Variants in ANXA8L1 observed in about 807,000 individuals in gnomAD.
ANXA8L1 encodes the protein annexin A8 like 1.
A neutral mutation model predicts 22.5 loss-of-function variants in ANXA8L1; 10 were observed. The ratio of observed to expected loss-of-function variants is 0.44; its 90% CI spans 0.27 to 0.75. The LOEUF is 0.75. Ranked by LOEUF, ANXA8L1 falls within the 30% of genes least tolerant of loss-of-function variation. The pLI, the probability that ANXA8L1 is intolerant of heterozygous loss-of-function variation, is 0.15. For missense variants in ANXA8L1, 88 were observed against 219.6 expected, an observed-to-expected ratio of 0.40 and a Z score of 3.79; for synonymous variants, 36 against 86.0, an observed-to-expected ratio of 0.42 and a Z score of 3.22.
chr10:46,390,856 G>T lies in ANXA8L1; in HGVS notation c.925-15G>T. ...AACAAACCCCTTCTCACGCTTATGCGCCTCCTACCCACAGGAAGACACCAG... is the reference window on the plus strand; with the variant it reads ...AACAAACCCCTTCTCACGCTTATGCTCCTCCTACCCACAGGAAGACACCAG... On this transcript the variant is annotated splice_polypyrimidine_tract_variant and intron_variant, in intron 11 of 11. Transcript: ENST00000619162. The T allele has an allele frequency of 8.8e-7, 1 of 1,131,744 alleles. No homozygotes were observed. The highest frequency in any genetic ancestry group is 1.2e-6 in the Non-Finnish European group (1 of 826,724). 70.1% of individuals were successfully genotyped at this position (1,131,744 alleles called of 1,614,324 possible).
intron 1 of ANXA8L1, among the ~76,000 whole-genome samples, chr10:46,379,101 C>G (rs1358976055): frequency 2.7e-5 from 4 of 145,732 alleles, no homozygotes; most frequent in African/African-American, 7.6e-5. Flanking sequence ...CTGAGTCTCC[C>G]TCTAATTCAA....
chr10:46,384,667 C>T, intron 6 of ANXA8L1, 107 bp from the exon 7 acceptor site: 1 of 1,600,078 alleles, frequency 6.2e-7, no homozygotes, highest in Non-Finnish European at 8.5e-7. Flanking sequence ...TTTCCACAGC[C>T]AAAGAGCAGC....
At chr10:46,383,230 C>T (rs1162970194) in intron 4 of ANXA8L1, among the ~76,000 whole-genome samples, 9 of 147,840 alleles carry the variant, frequency 6.1e-5, no homozygotes, top group Admixed American at 5.4e-4. Context: ...TCTGAGACCA[C>T]CCAGCTAAGG....
At chr10:46,382,865 C>T (rs1200907164) in intron 4 of ANXA8L1, among the ~76,000 whole-genome samples, 173 bp downstream of exon 4, 2 of 60,188 alleles carry the variant, frequency 3.3e-5, no homozygotes, top group Non-Finnish European at 6.5e-5. Context: ...AGACTGCACC[C>T]AACACCTGGA....
chr10:46,383,306 G>C, intron 4 of ANXA8L1, 150 bp from the exon 5 acceptor site: 12 of 1,546,494 alleles, frequency 7.8e-6, no homozygotes, highest in Non-Finnish European at 1.1e-5. Flanking sequence ...CTGAAGACAA[G>C]CATGTGATTT....
intron 1 of ANXA8L1, among the ~76,000 whole-genome samples, chr10:46,378,736 C>T (rs1307495254): frequency 4.4e-5 from 3 of 67,808 alleles, no homozygotes; most frequent in Non-Finnish European, 7.7e-5. Context: ...TAAGAAATGA[C>T]TCAGGAAGAT....
rs1254764674 is a variant in ANXA8L1, at chr10:46,390,090, G to A, written c.925-781G>A. Among the ~76,000 whole-genome samples, 78 of 149,688 alleles carry A rather than the reference G, an allele frequency of 5.2e-4. 3 individuals carry two copies. Among genetic ancestry groups the A allele is most frequent in the Admixed American group, 8.7e-4 (13 of 14,986 alleles). On this transcript the variant is annotated intron_variant, in intron 11 of 11. Transcript: ENST00000619162. ...GAATTCACTCCCCTCTCTTGGCCCC[G>A]CTGTCCTCAACTGCATGAAGAAGAA...
chr10:46,384,899 C>T (rs1296895182), intron 7 of ANXA8L1, 66 bp downstream of exon 7: 33 of 1,607,454 alleles, frequency 2.1e-5, no homozygotes, highest in Admixed American at 1.3e-4. Flanking sequence ...CTCCTCTGCC[C>T]ACGGGGGCTT....
At chr10:46,378,938 G>GTGGATGGA (rs1423963662) in intron 1 of ANXA8L1, among the ~76,000 whole-genome samples, 97 of 133,894 alleles carry the variant, frequency 7.2e-4, no homozygotes, top group African/African-American at 3.0e-3. Flanking sequence ...GGATGGGTGG[G>GTGGATGGA]TGGATGGATG....
At chr10:46,390,254 A>G (rs1840064806) in intron 11 of ANXA8L1, among the ~76,000 whole-genome samples, 1 of 150,168 alleles carries the variant, frequency 6.7e-6, no homozygotes. Flanking sequence ...CAGGAGACAA[A>G]CACTGTGGAC....
At chr10:46,384,929 A>T in intron 7 of ANXA8L1, 96 bp downstream of exon 7, 1 of 1,579,156 alleles carries the variant, frequency 6.3e-7, no homozygotes, top group Non-Finnish European at 8.6e-7. Context: ...CTGGGCTGGG[A>T]CCCACCCAGC....
chr10:46,390,214 T>C (rs1554975395), intron 11 of ANXA8L1, among the ~76,000 whole-genome samples: 1 of 150,724 alleles, frequency 6.6e-6, no homozygotes, highest in African/African-American at 2.5e-5. Flanking sequence ...ACAGGGCTCC[T>C]CAGTCATCGG....
In ANXA8L1 at chr10:46,376,022, G is replaced by C; in HGVS notation, c.21+150G>C. 4 of 1,201,896 alleles carry C rather than the reference G, an allele frequency of 3.3e-6. No individual in the cohort carries two copies. The East Asian group carries it at 9.5e-5, about 29-fold the overall frequency. 74.5% of individuals were successfully genotyped at this position (1,201,896 alleles called of 1,614,324 possible). A position where few individuals can be genotyped will look rare whatever the true frequency, so the allele number is the denominator to read the frequency against. On this transcript the variant is annotated intron_variant, in intron 1 of 11. Coordinates refer to ENST00000619162, the MANE Select transcript of ANXA8L1 (RefSeq NM_001098845.3). ...TGGGCCAAGCATGGAGGGTGGGAAG[G>C]GGCCGAGAAGAAACAGTCCCAGGCC...
chr10:46,384,523 C>T (rs1840011184), intron 6 of ANXA8L1, among the ~76,000 whole-genome samples: 1 of 114,062 alleles, frequency 8.8e-6, no homozygotes, highest in South Asian at 2.5e-4. Flanking sequence ...GCAGGTCCTT[C>T]GTGCAGACCT....
Position 46,375,916 on chromosome 10 carries a change from G to C in ANXA8L1, c.21+44G>C, listed in dbSNP as rs2133003937. 3 of 1,270,718 alleles carry C rather than the reference G, an allele frequency of 2.4e-6. No individual in the cohort carries two copies. In the East Asian group the frequency reaches 6.8e-5, roughly 29 times the overall value. The allele number at this position is 1,270,718 out of a possible 1,614,324, so 78.7% of individuals were successfully genotyped here. On this transcript the variant is annotated intron_variant, in intron 1 of 11. Coordinates refer to ENST00000619162, the MANE Select transcript of ANXA8L1 (RefSeq NM_001098845.3). Reference sequence around the variant, plus strand: ...GAGATTTGCGTTCCTGCATGGTGTTGGGTGCTGGTCACCAGGGAGTCCTGA... The same window carrying C: ...GAGATTTGCGTTCCTGCATGGTGTTCGGTGCTGGTCACCAGGGAGTCCTGA...
At chr10:46,383,186 G>A (rs1312474829) in intron 4 of ANXA8L1, among the ~76,000 whole-genome samples, 1 of 132,354 alleles carries the variant, frequency 7.6e-6, no homozygotes, top group Non-Finnish European at 1.6e-5. Flanking sequence ...TTTATGGATC[G>A]GGATGCTTAG....
chr10:46,385,788 G>A lies in ANXA8L1; in HGVS notation c.723G>A (p.Glu241=). Residue 241 remains glutamate, a synonymous_variant, in exon 9 of 12, where the codon GAG becomes GAA. Transcript: ENST00000619162. ...SIKSETHGSL[E]EAMLTVVKCT... ...AGAGTGAGACCCATGGCTCACTGGAGGAGGCCATGCTCACTGTGGGTAAGA... is the reference window on the plus strand; with the variant it reads ...AGAGTGAGACCCATGGCTCACTGGAAGAGGCCATGCTCACTGTGGGTAAGA... 3.0e-6 allele frequency: 1 copy of A among 329,964 alleles called. No homozygotes were observed. Among genetic ancestry groups the A allele is most frequent in the Non-Finnish European group, 5.6e-6 (1 of 179,912 alleles). 20.4% of individuals were successfully genotyped at this position (329,964 alleles called of 1,614,324 possible). A position where few individuals can be genotyped will look rare whatever the true frequency, so the allele number is the denominator to read the frequency against.
chr10:46,379,410 G>GT (rs1839971836), intron 1 of ANXA8L1, among the ~76,000 whole-genome samples: 1 of 100,824 alleles, frequency 9.9e-6, no homozygotes, highest in Non-Finnish European at 2.2e-5. Context: ...CTAAGTTGCT[G>GT]TAAGTCCCAA....
At chr10:46,385,112 G>A (rs1453472574) in intron 7 of ANXA8L1, among the ~76,000 whole-genome samples, 2 of 89,166 alleles carry the variant, frequency 2.2e-5, no homozygotes, top group East Asian at 2.2e-4. Flanking sequence ...ACAGGTGTCC[G>A]GGTCTCTGTA....
Sources: gnomAD v4.1 joint callset for allele counts (sites outside exome capture counted in the v4.1 genomes callset) on GRCh38, gnomAD v4.1.1 for gene constraint, MANE v1.5 for transcripts, NCBI Gene and HGNC (gene_info 2026-07-23, HGNC 2026-07-21) for gene names.